Variants in MAPK10 observed in about 807,000 individuals in gnomAD.
The protein encoded by MAPK10 is mitogen-activated protein kinase 10.
MAPK10 carries 25 observed loss-of-function variants against 59.3 expected under a neutral mutation model. The observed-to-expected ratio is 0.42, with a 90% CI of 0.31 to 0.59. The LOEUF is 0.59. Ranked by LOEUF, MAPK10 falls within the 20% of genes least tolerant of loss-of-function variation. The probability of loss-of-function intolerance (pLI) is 0.15; values close to 1 mark genes in which losing one functional copy is unlikely to be tolerated. For synonymous variants in MAPK10, 190 were observed against 200.5 expected (o/e 0.95, Z 0.44); for missense variants, 351 against 568.9 (o/e 0.62, Z 3.90).
chr4:86,200,231 G>A (rs548691332), intron 2 of MAPK10, among the ~76,000 whole-genome samples: 24 of 151,996 alleles, frequency 1.6e-4, no homozygotes, highest in East Asian at 3.9e-4. Flanking sequence ...ATTCTTAAGC[G>A]TACAGGTGGA....
intron 2 of MAPK10, among the ~76,000 whole-genome samples, chr4:86,215,510 TA>T (rs1411827532): frequency 6.6e-6 from 1 of 152,070 alleles, no homozygotes; most frequent in African/African-American, 2.4e-5. Context: ...ATAATACAGA[TA>T]AAAAGAAATT....
intron 1 of MAPK10, among the ~76,000 whole-genome samples, chr4:86,547,945 C>G (rs182329292): frequency 3.3e-5 from 5 of 152,160 alleles, no homozygotes; most frequent in Non-Finnish European, 7.3e-5. Flanking sequence ...CCTGTCAAAA[C>G]AGACCACTCG....
Position 86,031,444 on chromosome 4 carries a change from A to G in MAPK10, c.1111-13T>C, listed in dbSNP as rs1267611374. ...TCTGAGGTGGAGGCTGCCGAATAAA[A>G]ACAAAAAATAATCTTTGTGTGATAA... is the stretch of plus-strand genomic sequence containing the variant. On this transcript the variant is annotated splice_polypyrimidine_tract_variant and intron_variant, in intron 11 of 13. Coordinates refer to ENST00000641462, the MANE Select transcript of MAPK10 (RefSeq NM_138982.4). 2 of 1,586,492 alleles carry G rather than the reference A, an allele frequency of 1.3e-6. No individual in the cohort carries two copies. The highest frequency in any genetic ancestry group is 3.3e-5 in the Admixed American group (2 of 59,966).
At chr4:86,203,202 A>G (rs971620504) in intron 2 of MAPK10, among the ~76,000 whole-genome samples, 1 of 151,948 alleles carries the variant, frequency 6.6e-6, no homozygotes, top group African/African-American at 2.4e-5. Flanking sequence ...TATGCTATAC[A>G]CTGTACTGAG....
rs7693923 is a variant in MAPK10 at position 86,103,280 on chromosome 4, A to G, written c.367-36T>C. On this transcript the variant is annotated intron_variant, in intron 5 of 13. Coordinates refer to ENST00000641462, the MANE Select transcript of MAPK10 (RefSeq NM_138982.4). ...GTGGAAGGGACAGAGGAAACGAGAG[A>G]AAGAAAAAAGAGAGAGAATGTATTA... The G allele has an allele frequency of 3.7e-3, 3,808 of 1,015,852 alleles. 89 individuals are homozygous for G. In the African/African-American group the frequency reaches 0.053, roughly 14 times the overall value. 62.9% of individuals were successfully genotyped at this position (1,015,852 alleles called of 1,614,324 possible).
In MAPK10 at chr4:86,017,499, A is replaced by G. The variant is rs1034810525; in HGVS notation, c.1253-129T>C. The G allele has an allele frequency of 2.9e-5, 28 of 970,628 alleles. No individual in the cohort carries two copies. The highest frequency in any genetic ancestry group is 2.2e-4 in the Middle Eastern group (1 of 4,500). The allele number at this position is 970,628 out of a possible 1,614,324, so 60.1% of individuals were successfully genotyped here. A position where few individuals can be genotyped will look rare whatever the true frequency, so the allele number is the denominator to read the frequency against. On this transcript the variant is annotated intron_variant, in intron 13 of 13. Coordinates refer to ENST00000641462, the MANE Select transcript of MAPK10 (RefSeq NM_138982.4). This position sits in a 1 kb window ranked among gnomAD's most constrained non-coding sequence, Gnocchi z 4.4. Reference sequence around the variant, plus strand: ...TCCATCAATCATTTGGCAAGCCTTTATAGAGCAGCTGACATAGGGGAGCAT... The same window carrying G: ...TCCATCAATCATTTGGCAAGCCTTTGTAGAGCAGCTGACATAGGGGAGCAT...
chr4:86,281,822 T>C (rs2094821239), intron 2 of MAPK10, among the ~76,000 whole-genome samples: 1 of 152,080 alleles, frequency 6.6e-6, no homozygotes, highest in Non-Finnish European at 1.5e-5. Flanking sequence ...TTGACTTTTA[T>C]AATAATACAA....
chr4:86,481,149 A>G (rs1012687252), intron 1 of MAPK10, among the ~76,000 whole-genome samples: 1 of 152,160 alleles, frequency 6.6e-6, no homozygotes, highest in African/African-American at 2.4e-5. Flanking sequence ...GGTTAGAATG[A>G]TATTTCTAGG....
intron 11 of MAPK10, among the ~76,000 whole-genome samples, chr4:86,040,197 C>G (rs1192630965): frequency 2.0e-5 from 3 of 151,732 alleles, no homozygotes; most frequent in African/African-American, 7.3e-5. Context: ...AACTAAGAGA[C>G]AAAAAAGTCA....
chr4:86,147,451 G>C (rs2065274685), intron 4 of MAPK10, among the ~76,000 whole-genome samples: 1 of 151,946 alleles, frequency 6.6e-6, no homozygotes, highest in South Asian at 2.1e-4. Flanking sequence ...ATCTAGTAAA[G>C]CTCCTCATGT....
intron 2 of MAPK10, among the ~76,000 whole-genome samples, chr4:86,228,404 T>C (rs2091015494): frequency 6.6e-6 from 1 of 152,226 alleles, no homozygotes; most frequent in Non-Finnish European, 1.5e-5. Flanking sequence ...AAATGTCGTG[T>C]ATCACAATAT....
At chr4:86,380,081 C>G (rs1169320481) in intron 1 of MAPK10, among the ~76,000 whole-genome samples, 1 of 152,000 alleles carries the variant, frequency 6.6e-6, no homozygotes, top group Non-Finnish European at 1.5e-5. Context: ...AAAAAATTAG[C>G]CAGGCATGGT....
chr4:86,386,431 C>CCCT (rs1188974469), intron 1 of MAPK10, among the ~76,000 whole-genome samples: 2 of 152,164 alleles, frequency 1.3e-5, no homozygotes, highest in African/African-American at 4.8e-5. Flanking sequence ...GATCTGCCTG[C>CCCT]CCTAGTCCAG....
chr4:86,305,298 T>A (rs2095547167), intron 2 of MAPK10, among the ~76,000 whole-genome samples: 1 of 152,182 alleles, frequency 6.6e-6, no homozygotes, highest in East Asian at 1.9e-4. Context: ...GCTAACCTAG[T>A]AAAGAGTCAT....
chr4:86,319,827 G>A (rs2095855901), intron 2 of MAPK10, among the ~76,000 whole-genome samples: 1 of 152,200 alleles, frequency 6.6e-6, no homozygotes, highest in Admixed American at 6.5e-5. Flanking sequence ...ACAACCCTGG[G>A]ATACCTGATT....
intron 1 of MAPK10, among the ~76,000 whole-genome samples, chr4:86,548,053 C>G (rs902090058): frequency 2.0e-5 from 3 of 152,192 alleles, no homozygotes; most frequent in Non-Finnish European, 2.9e-5. Flanking sequence ...CCCTTCCACA[C>G]TGTGGAATCT....
chr4:86,374,503 G>A (rs927444694), intron 1 of MAPK10, among the ~76,000 whole-genome samples: 3 of 152,186 alleles, frequency 2.0e-5, no homozygotes, highest in Admixed American at 1.3e-4. Flanking sequence ...TTATTGTCCT[G>A]TGTGGAGCCT....
At chr4:86,066,660 G>A (rs767432837) in intron 10 of MAPK10, among the ~76,000 whole-genome samples, 11 of 151,410 alleles carry the variant, frequency 7.3e-5, no homozygotes, top group Middle Eastern at 6.9e-3. Context: ...AGCTACTCGG[G>A]AGGTTGAGGC....
intron 1 of MAPK10, among the ~76,000 whole-genome samples, chr4:86,451,984 T>C (rs1750774833): frequency 6.6e-6 from 1 of 152,128 alleles, no homozygotes; most frequent in Admixed American, 6.5e-5. Flanking sequence ...ACAACAACCC[T>C]GTAAGGTAGC....
Sources: gnomAD v4.1 joint callset for allele counts (sites outside exome capture counted in the v4.1 genomes callset) on GRCh38, gnomAD v4.1.1 for gene constraint, Gnocchi (gnomAD v3.1) non-coding constraint, MANE v1.5 for transcripts, NCBI Gene and HGNC (gene_info 2026-07-23, HGNC 2026-07-21) for gene names.